KSR1: variants seen among roughly 807,000 people sequenced by gnomAD.
The protein encoded by KSR1 is kinase suppressor of ras 1.
KSR1 carries 35 observed loss-of-function variants against 92.9 expected under a neutral mutation model. The observed-to-expected ratio is 0.38, with a 90% CI of 0.29 to 0.50. KSR1 has a LOEUF of 0.50. Among genes scored for constraint, KSR1 ranks in the 20% least tolerant of loss-of-function variants. KSR1 has a pLI of 0.94. For synonymous variants in KSR1, 467 were observed against 472.6 expected (o/e 0.99, Z 0.15); for missense variants, 972 against 1,158.5 (o/e 0.84, Z 2.34).
intron 20 of KSR1, chr17:27,621,825 T>C (rs2074231359): frequency 9.1e-7 from 1 of 1,102,370 alleles, no homozygotes; most frequent in East Asian, 2.4e-5. Flanking sequence ...AGAAAGGGAG[T>C]CCCCTGCCCA....
At chr17:27,601,760 T>A (rs910446805) in intron 11 of KSR1, 10 of 676,356 alleles carry the variant, frequency 1.5e-5, no homozygotes, top group African/African-American at 1.1e-4. Context: ...TATGAGCATA[T>A]GTCACCGTAT....
intron 3 of KSR1, among the ~76,000 whole-genome samples, chr17:27,581,112 G>T (rs766024675): frequency 1.6e-4 from 25 of 152,164 alleles, no homozygotes; most frequent in African/African-American, 3.1e-4. Context: ...CATCGGGAAG[G>T]CTCCAGGCAT....
chr17:27,590,320 C>T (rs147631538), intron 6 of KSR1, among the ~76,000 whole-genome samples: 27 of 152,320 alleles, frequency 1.8e-4, no homozygotes, highest in South Asian at 6.2e-4. Flanking sequence ...ACAGAAAGAG[C>T]GTCCTTGTTT....
chr17:27,601,438 C>G, intron 11 of KSR1, 37 bp downstream of exon 11: 1 of 1,586,336 alleles, frequency 6.3e-7, no homozygotes, highest in Non-Finnish European at 8.7e-7. Context: ...CTGCCCTTTG[C>G]TGTGACCCCT....
intron 1 of KSR1, among the ~76,000 whole-genome samples, chr17:27,547,156 G>C (rs938581289): frequency 1.3e-5 from 2 of 152,214 alleles, no homozygotes; most frequent in Admixed American, 1.3e-4. Context: ...AACCCCAAGG[G>C]GGTTGAATCT....
At position 27,624,604 on chromosome 17, in the gene KSR1, C is replaced by G. The variant is rs2074300532; in HGVS notation, c.*1212C>G. 2.0e-5 allele frequency: 3 copies of G among 152,206 alleles called. No individual in the cohort carries two copies. Among genetic ancestry groups the G allele is most frequent in the Non-Finnish European group, 2.9e-5 (2 of 68,052 alleles). 9.4% of individuals were successfully genotyped at this position (152,206 alleles called of 1,614,324 possible). A position where few individuals can be genotyped will look rare whatever the true frequency, so the allele number is the denominator to read the frequency against. ...TTTGAAGTGAGAGCACCACGCTTGT[C>G]TTCGTTAGAAACTCTTAACTGCAGA... On this transcript the variant is annotated 3_prime_UTR_variant, in exon 21 of 21. Coordinates refer to ENST00000644974, the MANE Select transcript of KSR1 (RefSeq NM_001394583.1).
chr17:27,495,563 T>C (rs1466184801), intron 1 of KSR1, among the ~76,000 whole-genome samples: 1 of 152,178 alleles, frequency 6.6e-6, no homozygotes, highest in Non-Finnish European at 1.5e-5. Flanking sequence ...GGAGGGAGGC[T>C]TGGAGATCAT....
Position 27,602,031 on chromosome 17 carries a change from T to C in KSR1, c.1510+630T>C, listed in dbSNP as rs187361596. 409 of 1,048,218 alleles carry C rather than the reference T, an allele frequency of 3.9e-4. 1 individual carries two copies. The Middle Eastern group carries it at 0.016, about 41-fold the overall frequency. The allele number at this position is 1,048,218 out of a possible 1,614,324, so 64.9% of individuals were successfully genotyped here. ...TACTATGTACCAACCTTTTCATTCC[T>C]GCCCCTAAAGTGCTTGAGATCAGTG... On this transcript the variant is annotated intron_variant, in intron 11 of 20. Transcript: ENST00000644974.
At chr17:27,578,673 G>A (rs2072620296) in intron 3 of KSR1, 1 of 152,202 alleles carries the variant, frequency 6.6e-6, no homozygotes, top group Non-Finnish European at 1.5e-5. Context: ...AGATCTTTGG[G>A]GTAATTTGTC....
At chr17:27,470,239 T>C (rs2150919883) in intron 1 of KSR1, among the ~76,000 whole-genome samples, 1 of 141,430 alleles carries the variant, frequency 7.1e-6, no homozygotes, top group South Asian at 2.2e-4. Context: ...TTTTTGTTTG[T>C]GTTTTTTTTT....
rs143110653 is a variant in KSR1 at position 27,503,656 on chromosome 17, A to C, written c.231+46782A>C. ...GCACGTGGAAGCATTGCACTCTCCT[A>C]CCTTCTTCAGTTAGGTGTGGATGTG... On this transcript the variant is annotated intron_variant, in intron 1 of 20. Transcript: ENST00000644974. Among the ~76,000 whole-genome samples the C allele has an allele frequency of 5.9e-5, 9 of 152,288 alleles. No homozygotes were observed. The East Asian group carries it at 1.7e-3, about 29-fold the overall frequency.
intron 20 of KSR1, chr17:27,622,231 G>A: frequency 2.1e-6 from 1 of 473,234 alleles, no homozygotes; most frequent in Non-Finnish European, 3.8e-6. Context: ...ATGACTGATT[G>A]CTCCCGTGTT....
intron 2 of KSR1, among the ~76,000 whole-genome samples, chr17:27,557,172 T>G (rs577503871): frequency 2.6e-5 from 4 of 152,250 alleles, no homozygotes; most frequent in African/African-American, 9.6e-5. Context: ...CTGGTCTGGT[T>G]TGGAGGATAT....
intron 2 of KSR1, among the ~76,000 whole-genome samples, chr17:27,551,569 T>C (rs1434807360): frequency 5.3e-5 from 8 of 152,152 alleles, no homozygotes; most frequent in South Asian, 2.1e-4. Context: ...TTTTTTTTTT[T>C]CCTTCCTCTC....
chr17:27,559,292 G>T lies in KSR1; in HGVS notation c.372+8584G>T, dbSNP rs1030566043. Among the ~76,000 whole-genome samples the T allele has an allele frequency of 3.3e-5, 5 of 152,232 alleles. No individual in the cohort carries two copies. Among genetic ancestry groups the T allele is most frequent in the Admixed American group, 3.3e-4 (5 of 15,290 alleles). The stretch of plus-strand genomic sequence containing the variant: ...GCGGCTCCGAGCCTGCTGCGGCGCT[G>T]CATGCCTGACCTTTGGTTCCTCGTC... On this transcript the variant is annotated intron_variant, in intron 2 of 20. Coordinates refer to ENST00000644974, the MANE Select transcript of KSR1 (RefSeq NM_001394583.1). The surrounding 1 kb of genome is among the most constrained non-coding windows in gnomAD (Gnocchi z 4.2).
intron 2 of KSR1, among the ~76,000 whole-genome samples, chr17:27,561,153 C>A (rs972152604): frequency 6.6e-6 from 1 of 152,196 alleles, no homozygotes; most frequent in Admixed American, 6.5e-5. Context: ...ATCTGATGAT[C>A]CCCTGCAAGC....
At chr17:27,611,716 G>A (rs547887236) in intron 18 of KSR1, 87 bp downstream of exon 18, 1 of 1,536,360 alleles carries the variant, frequency 6.5e-7, no homozygotes, top group Admixed American at 1.8e-5. Flanking sequence ...ACCCACCTGA[G>A]AAATGGGGTC....
chr17:27,605,946 G>C, intron 14 of KSR1, 133 bp downstream of exon 14: 1 of 1,092,918 alleles, frequency 9.1e-7, no homozygotes, highest in Non-Finnish European at 1.3e-6. Flanking sequence ...CAAAAATGGG[G>C]TATAACTTCC....
chr17:27,565,374 G>A (rs112807591), intron 2 of KSR1, among the ~76,000 whole-genome samples: 111 of 152,220 alleles, frequency 7.3e-4, no homozygotes, highest in Non-Finnish European at 7.3e-4. Flanking sequence ...TGTATGAGGA[G>A]GCAGTGCTTT....
Sources: allele counts gnomAD v4.1 joint callset (sites outside exome capture counted in the v4.1 genomes callset), GRCh38; gene constraint gnomAD v4.1.1; non-coding constraint Gnocchi (gnomAD v3.1); transcripts MANE v1.5; gene names NCBI Gene and HGNC (gene_info 2026-07-23, HGNC 2026-07-21).